GRM1: variants seen among roughly 807,000 people sequenced by gnomAD.
GRM1 encodes the protein glutamate metabotropic receptor 1, also known as metabotropic glutamate receptor 1.
A neutral mutation model predicts 90.9 loss-of-function variants in GRM1; 33 were observed. The observed-to-expected ratio is 0.36, with a 90% confidence interval of 0.28 to 0.49. The LOEUF (loss-of-function observed/expected upper bound fraction) is 0.49. GRM1 is among the 20% of genes least tolerant of loss of function. The probability of loss-of-function intolerance (pLI) is 0.99; values close to 1 mark genes in which losing one functional copy is unlikely to be tolerated. For missense variants in GRM1, 1,190 were observed against 1,534.3 expected (o/e 0.78, Z 3.75); for synonymous variants, 700 against 613.2 (o/e 1.14, Z -2.09).
chr6:146,227,590 C>T (rs553054610), intron 2 of GRM1, among the ~76,000 whole-genome samples: 2 of 152,274 alleles, frequency 1.3e-5, no homozygotes, highest in Admixed American at 1.3e-4. Context: ...CATCAATGGA[C>T]TATGGTTCTG....
intron 2 of GRM1, among the ~76,000 whole-genome samples, chr6:146,281,253 TA>T (rs1303258159): frequency 1.3e-5 from 2 of 152,180 alleles, no homozygotes; most frequent in Non-Finnish European, 2.9e-5. Flanking sequence ...TAACAGGAAG[TA>T]AACTAACCAG....
intron 2 of GRM1, among the ~76,000 whole-genome samples, chr6:146,247,412 G>A (rs1781097398): frequency 6.6e-6 from 1 of 152,120 alleles, no homozygotes; most frequent in Non-Finnish European, 1.5e-5. Flanking sequence ...TTGAAAATAA[G>A]TAGCCTGCTA....
intron 3 of GRM1, among the ~76,000 whole-genome samples, chr6:146,348,295 A>G (rs1462933126): frequency 6.6e-6 from 1 of 152,212 alleles, no homozygotes; most frequent in Non-Finnish European, 1.5e-5. Context: ...GCAGCCTATA[A>G]TAGATTTTGT....
At chr6:146,209,770 T>A (rs1438071481) in intron 2 of GRM1, among the ~76,000 whole-genome samples, 1 of 152,196 alleles carries the variant, frequency 6.6e-6, no homozygotes, top group African/African-American at 2.4e-5. Context: ...GATTCAGTGA[T>A]TCAATGAACC....
At chr6:146,341,918 A>C (rs1784995662) in intron 3 of GRM1, among the ~76,000 whole-genome samples, 1 of 152,218 alleles carries the variant, frequency 6.6e-6, no homozygotes, top group Non-Finnish European at 1.5e-5. Flanking sequence ...ATTAACAACC[A>C]TGACTGTATG....
At chr6:146,374,682 A>T (rs2115102902) in intron 5 of GRM1, among the ~76,000 whole-genome samples, 1 of 152,134 alleles carries the variant, frequency 6.6e-6, no homozygotes, top group African/African-American at 2.4e-5. Context: ...GCCAGTAATG[A>T]TCCTTTGAAT....
chr6:146,286,991 A>G (rs1782790001), intron 2 of GRM1, among the ~76,000 whole-genome samples: 1 of 152,224 alleles, frequency 6.6e-6, no homozygotes, highest in South Asian at 2.1e-4. Context: ...AAGATGAACA[A>G]TGATTCTTTA....
At chr6:146,411,288 G>A (rs1777557614) in intron 7 of GRM1, among the ~76,000 whole-genome samples, 1 of 152,160 alleles carries the variant, frequency 6.6e-6, no homozygotes, top group African/African-American at 2.4e-5. Context: ...AAAGGAAGAA[G>A]GCTGATGGAT....
chr6:146,214,431 A>G (rs965688599), intron 2 of GRM1, among the ~76,000 whole-genome samples: 5 of 152,370 alleles, frequency 3.3e-5, no homozygotes, highest in Non-Finnish European at 5.9e-5. Flanking sequence ...TACTTCAGGT[A>G]AGGTTGTCAG....
At chr6:146,190,739 A>C (rs1051902454) in intron 2 of GRM1, among the ~76,000 whole-genome samples, 1 of 152,062 alleles carries the variant, frequency 6.6e-6, no homozygotes, top group African/African-American at 2.4e-5. Flanking sequence ...TATTGCCACT[A>C]CTTCAGTTCA....
intron 1 of GRM1, among the ~76,000 whole-genome samples, chr6:146,104,711 C>T (rs906339633): frequency 6.6e-6 from 1 of 152,094 alleles, no homozygotes; most frequent in Non-Finnish European, 1.5e-5. Flanking sequence ...AAGAAGCCCT[C>T]GAGCTCTAGC....
intron 2 of GRM1, among the ~76,000 whole-genome samples, chr6:146,270,969 T>TCC (rs1782135797): frequency 7.1e-6 from 1 of 140,068 alleles, no homozygotes. Context: ...TTCTTTCTTT[T>TCC]TTTTTTCTCT....
chr6:146,064,783 T>G (rs577711574), intron 1 of GRM1, among the ~76,000 whole-genome samples: 5 of 146,264 alleles, frequency 3.4e-5, no homozygotes, highest in African/African-American at 1.3e-4. Context: ...AGAGTGAGAC[T>G]CAGTCTCAAA....
intron 7 of GRM1, among the ~76,000 whole-genome samples, chr6:146,410,520 A>C (rs1250371445): frequency 1.3e-5 from 2 of 152,174 alleles, no homozygotes; most frequent in Non-Finnish European, 2.9e-5. Context: ...GAATACCAGC[A>C]AGAAACCTGG....
intron 2 of GRM1, among the ~76,000 whole-genome samples, chr6:146,286,094 C>T (rs1782758165): frequency 6.6e-6 from 1 of 152,028 alleles, no homozygotes; most frequent in South Asian, 2.1e-4. Context: ...TATATCTGTC[C>T]TGCTATCACA....
intron 2 of GRM1, among the ~76,000 whole-genome samples, chr6:146,213,274 AGG>A (rs1436081870): frequency 6.6e-6 from 1 of 152,110 alleles, no homozygotes; most frequent in Non-Finnish European, 1.5e-5. Flanking sequence ...TCAAAATGAG[AGG>A]GTTGGAGTGT....
At chr6:146,325,745 A>T (rs1309341586) in intron 3 of GRM1, among the ~76,000 whole-genome samples, 1 of 152,186 alleles carries the variant, frequency 6.6e-6, no homozygotes, top group Non-Finnish European at 1.5e-5. Flanking sequence ...TTTCTGTCAC[A>T]TTTTAATTTA....
intron 1 of GRM1, among the ~76,000 whole-genome samples, chr6:146,142,004 G>A (rs1776895880): frequency 6.6e-6 from 1 of 152,122 alleles, no homozygotes; most frequent in Non-Finnish European, 1.5e-5. Context: ...CAAGGTCTTG[G>A]CTTATTTGTC....
chr6:146,421,880 A>G (rs1778008590), intron 7 of GRM1, among the ~76,000 whole-genome samples: 1 of 152,172 alleles, frequency 6.6e-6, no homozygotes, highest in South Asian at 2.1e-4. Flanking sequence ...CTCCATTCCT[A>G]TAAACAAATG....
Sources: allele counts gnomAD v4.1 joint callset (sites outside exome capture counted in the v4.1 genomes callset), GRCh38; gene constraint gnomAD v4.1.1; transcripts MANE v1.5; gene names NCBI Gene and HGNC (gene_info 2026-07-23, HGNC 2026-07-21).